The following FANCD2 variants were observed in gnomAD, a reference collection of about 807,000 sequenced individuals.
FANCD2 encodes the protein Fanconi anemia group D2 protein.
A neutral mutation model predicts 192.3 loss-of-function variants in FANCD2; 131 were observed. The ratio of observed to expected loss-of-function variants is 0.68; its 90% CI spans 0.59 to 0.79. FANCD2 has a LOEUF of 0.79. Among genes scored for constraint, FANCD2 ranks in the 30% least tolerant of loss-of-function variants. The probability of loss-of-function intolerance (pLI) is 0.00; values close to 1 mark genes in which losing one functional copy is unlikely to be tolerated. For synonymous variants in FANCD2, 524 were observed against 612.5 expected, an observed-to-expected ratio of 0.86 and a Z score of 2.13; for missense variants, 1,508 against 1,701.6, an observed-to-expected ratio of 0.89 and a Z score of 2.00.
At position 10,064,766 on chromosome 3, in the gene FANCD2, G is replaced by T; in HGVS notation, c.2059G>T (p.Glu687Ter). 1 of 1,614,134 alleles carries T rather than the reference G, an allele frequency of 6.2e-7. No homozygotes were observed. Among genetic ancestry groups the T allele is most frequent in the Non-Finnish European group, 8.5e-7 (1 of 1,179,962 alleles). Residue 687 changes from glutamate (E) to a stop codon, truncating the protein, a stop_gained, in exon 23 of 44, where the codon GAA (glutamate) becomes TAA (stop). Coordinates refer to ENST00000675286, the MANE Select transcript of FANCD2 (RefSeq NM_001018115.3). LOFTEE classifies it high-confidence loss of function. Reference sequence around the variant, plus strand: ...TCCTGTGAAAGCACTGTACGGACTGGAAGAATACGACACTCAGGATGGGAT... The same window carrying T: ...TCCTGTGAAAGCACTGTACGGACTGTAAGAATACGACACTCAGGATGGGAT... ...PFPVKALYGL[E>*]EYDTQDGIAI...
rs750130327 is a variant in FANCD2, at chr3:10,090,343, G to A, written c.3735G>A (p.Thr1245=). The A allele has an allele frequency of 3.0e-5, 49 of 1,612,832 alleles. No individual in the cohort carries two copies. In the Admixed American group the frequency reaches 5.2e-4, roughly 17 times the overall value. ...FRVMMAELEK[T]VKKIEPGTAA... is the part of the protein sequence containing the mutation. ...TGATGATGGCTGAACTAGAGAAGAC[G>A]GTGAAAAAAATTGAGCCTGGCACAG... The change falls in exon 37 of 44, where the codon ACG becomes ACA. Residue 1245 remains threonine (T), a synonymous_variant. Transcript: ENST00000675286.
chr3:10,093,390 G>T, intron 39 of FANCD2, 67 bp downstream of exon 39: 1 of 1,336,636 alleles, frequency 7.5e-7, no homozygotes, highest in Non-Finnish European at 1.1e-6. Context: ...GAGGACCTCA[G>T]CTGAGATAAA....
chr3:10,032,013 T>C (rs2086615044), intron 2 of FANCD2, among the ~76,000 whole-genome samples: 1 of 152,056 alleles, frequency 6.6e-6, no homozygotes, highest in Non-Finnish European at 1.5e-5. Flanking sequence ...ACCCAGTTAA[T>C]TTTGTATTTT....
intron 40 of FANCD2, among the ~76,000 whole-genome samples, chr3:10,094,705 T>A (rs558964282): frequency 7.3e-5 from 11 of 151,232 alleles, no homozygotes; most frequent in African/African-American, 2.0e-4. Context: ...AGAAATGATT[T>A]TAAAAAAAAA....
At chr3:10,080,201 C>T (rs1346356241) in intron 30 of FANCD2, among the ~76,000 whole-genome samples, 4 of 152,158 alleles carry the variant, frequency 2.6e-5, no homozygotes. Context: ...GCAAGAGCTA[C>T]AGTGCCCAGC....
intron 18 of FANCD2, among the ~76,000 whole-genome samples, chr3:10,056,393 C>G (rs2087413877): frequency 6.6e-6 from 1 of 152,114 alleles, no homozygotes; most frequent in Non-Finnish European, 1.5e-5. Context: ...TGAGGAACCA[C>G]CAAACTGCTT....
chr3:10,052,522 A>T (rs1575768709), intron 18 of FANCD2, 25 bp downstream of exon 18: 6 of 1,304,034 alleles, frequency 4.6e-6, no homozygotes, highest in Non-Finnish European at 5.4e-6. Flanking sequence ...GTTGGGAAAG[A>T]TTTTTTTTTT....
At chr3:10,057,206 T>A (rs1233233365) in intron 18 of FANCD2, among the ~76,000 whole-genome samples, 1 of 152,174 alleles carries the variant, frequency 6.6e-6, no homozygotes, top group Non-Finnish European at 1.5e-5. Context: ...ATGGGAGTTA[T>A]TTATATATTC....
chr3:10,078,536 T>A (rs994172877), intron 30 of FANCD2, among the ~76,000 whole-genome samples: 3 of 151,828 alleles, frequency 2.0e-5, no homozygotes, highest in East Asian at 2.0e-4. Flanking sequence ...TTGTATTTTT[T>A]GTAGAGACGG....
At chr3:10,092,057 T>A (rs1694644098) in intron 37 of FANCD2, 124 bp from the exon 38 acceptor site, 1 of 812,584 alleles carries the variant, frequency 1.2e-6, no homozygotes, top group South Asian at 1.3e-5. Context: ...GGTTGCTACA[T>A]CTAAGGATAA....
Position 10,039,371 on chromosome 3 carries a change from C to T in FANCD2, c.570+14C>T. ...GTGGATGGCAAGGTAGGCTTATGGA[C>T]TTTATCTCTTGAATTTAAAGAGTAT... is the stretch of plus-strand genomic sequence containing the variant. On this transcript the variant is annotated intron_variant, in intron 8 of 43. Coordinates refer to ENST00000675286, the MANE Select transcript of FANCD2 (RefSeq NM_001018115.3). The T allele has an allele frequency of 6.3e-7, 1 of 1,593,882 alleles. No homozygotes were observed. Among genetic ancestry groups the T allele is most frequent in the Non-Finnish European group, 8.6e-7 (1 of 1,161,928 alleles).
intron 43 of FANCD2, chr3:10,099,459 C>CAA: frequency 2.2e-6 from 1 of 459,368 alleles, no homozygotes; most frequent in Non-Finnish European, 3.0e-6. Context: ...CCTATCTCCA[C>CAA]AAAAAAAATG....
intron 32 of FANCD2, among the ~76,000 whole-genome samples, chr3:10,083,926 T>C (rs1482301764): frequency 1.3e-5 from 2 of 149,602 alleles, no homozygotes; most frequent in African/African-American, 2.5e-5. Context: ...CACCAGGGTC[T>C]GGTACAGGAA....
At chr3:10,070,768 A>G (rs1693192604) in intron 26 of FANCD2, among the ~76,000 whole-genome samples, 1 of 146,994 alleles carries the variant, frequency 6.8e-6, no homozygotes, top group Admixed American at 6.8e-5. Context: ...GAGACTTTTC[A>G]TTTTGTTCTG....
intron 26 of FANCD2, among the ~76,000 whole-genome samples, chr3:10,068,155 A>C (rs1291067914): frequency 1.3e-5 from 2 of 152,186 alleles, no homozygotes; most frequent in African/African-American, 4.8e-5. Context: ...TAGACAAGAG[A>C]GAGAAAGAAA....
chr3:10,058,219 C>T (rs2087469049), intron 18 of FANCD2: 2 of 267,964 alleles, frequency 7.5e-6, no homozygotes, highest in East Asian at 1.9e-4. Flanking sequence ...GCTTGTCTCC[C>T]TTTTCCACCG....
intron 3 of FANCD2, among the ~76,000 whole-genome samples, chr3:10,033,306 CAGG>C (rs1214600957): frequency 4.6e-5 from 7 of 152,062 alleles, no homozygotes; most frequent in African/African-American, 7.2e-5. Flanking sequence ...GCGCCTGAGT[CAGG>C]AGAATTGCTT....
chr3:10,098,351 C>T (rs538785998), intron 42 of FANCD2, among the ~76,000 whole-genome samples: 9 of 152,230 alleles, frequency 5.9e-5, no homozygotes, highest in Admixed American at 3.9e-4. Flanking sequence ...CTTTAGCCTC[C>T]GCATGGCCAT....
At chr3:10,042,174 G>T (rs2086881718) in intron 10 of FANCD2, among the ~76,000 whole-genome samples, 1 of 152,086 alleles carries the variant, frequency 6.6e-6, no homozygotes, top group Non-Finnish European at 1.5e-5. Flanking sequence ...GGGATTACAG[G>T]CTTGAGCCAC....
Sources: gnomAD v4.1 joint callset for allele counts (sites outside exome capture counted in the v4.1 genomes callset) on GRCh38, gnomAD v4.1.1 for gene constraint, MANE v1.5 for transcripts, NCBI Gene and HGNC (gene_info 2026-07-23, HGNC 2026-07-21) for gene names.